ZUP1: variants seen among roughly 807,000 people sequenced by gnomAD.
ZUP1 encodes the protein zinc finger containing ubiquitin peptidase 1.
In ZUP1, 55 loss-of-function variants were observed where a neutral mutation model predicts 68.1. That is an observed-to-expected ratio of 0.81 (90% CI 0.65 to 1.01). The LOEUF is 1.01. ZUP1 is among the 50% of genes least tolerant of loss of function. The pLI, the probability that ZUP1 is intolerant of heterozygous loss-of-function variation, is 0.00. For missense variants in ZUP1, 684 were observed against 674.9 expected, an observed-to-expected ratio of 1.01 and a Z score of -0.15; for synonymous variants, 223 against 221.5, an observed-to-expected ratio of 1.01 and a Z score of -0.06.
chr6:116,646,614 G>A (rs1225715378), intron 8 of ZUP1, among the ~76,000 whole-genome samples: 2 of 152,126 alleles, frequency 1.3e-5, no homozygotes, highest in Non-Finnish European at 2.9e-5. Context: ...TCACTCCGCC[G>A]CCCAGGCTGG....
intron 2 of ZUP1, among the ~76,000 whole-genome samples, chr6:116,663,129 T>C (rs536294714): frequency 6.6e-6 from 1 of 152,330 alleles, no homozygotes; most frequent in South Asian, 2.1e-4. Context: ...CAATTTCAAA[T>C]ATCACTCCCA....
chr6:116,665,747 T>G (rs1269756982), intron 2 of ZUP1, among the ~76,000 whole-genome samples: 1 of 141,688 alleles, frequency 7.1e-6, no homozygotes, highest in Non-Finnish European at 1.5e-5. Context: ...GCCTGGCTAG[T>G]TTTTTGGTTT....
chr6:116,648,136 G>A (rs938098526), intron 7 of ZUP1, among the ~76,000 whole-genome samples: 1 of 152,104 alleles, frequency 6.6e-6, no homozygotes, highest in Non-Finnish European at 1.5e-5. Context: ...GTAAATCATA[G>A]AAAAATGTGT....
intron 9 of ZUP1, among the ~76,000 whole-genome samples, chr6:116,643,391 G>C (rs1487442201): frequency 6.6e-6 from 1 of 152,114 alleles, no homozygotes; most frequent in Non-Finnish European, 1.5e-5. Flanking sequence ...TCAATCCTAA[G>C]CCAAAAGAAC....
intron 3 of ZUP1, among the ~76,000 whole-genome samples, chr6:116,659,618 A>AG (rs1405229066): frequency 3.4e-5 from 5 of 146,978 alleles, no homozygotes; most frequent in Non-Finnish European, 5.9e-5. Flanking sequence ...ATACTAGGGG[A>AG]GAAAAAAAAA....
intron 9 of ZUP1, among the ~76,000 whole-genome samples, chr6:116,643,175 A>G (rs1232916532): frequency 2.6e-5 from 4 of 152,330 alleles, no homozygotes; most frequent in East Asian, 1.9e-4. Flanking sequence ...CCACCGCTCA[A>G]TGAAATAAAA....
Position 116,655,751 on chromosome 6 carries a change from T to G in ZUP1, c.961+933A>C, listed in dbSNP as rs139461896. Among the ~76,000 whole-genome samples the G allele has an allele frequency of 3.3e-3, 500 of 152,326 alleles. 13 individuals carry two copies. The highest frequency in any genetic ancestry group is 0.024 in the Admixed American group (371 of 15,294). ...TCACTGTAACTTCTCTAAGCAACAG[T>G]GACCTCATTTGGAATATATAACAGT... On this transcript the variant is annotated intron_variant, in intron 5 of 9. Coordinates refer to ENST00000368576, the MANE Select transcript of ZUP1 (RefSeq NM_145062.3).
At chr6:116,652,231 C>A in intron 5 of ZUP1, 39 bp from the exon 6 acceptor site, 1 of 1,494,778 alleles carries the variant, frequency 6.7e-7, no homozygotes, top group Non-Finnish European at 9.2e-7. Context: ...TCATTATCAC[C>A]TTTATATTGC....
chr6:116,645,990 T>C, intron 8 of ZUP1, 56 bp from the exon 9 acceptor site: 2 of 1,243,726 alleles, frequency 1.6e-6, no homozygotes, highest in East Asian at 2.3e-5. Context: ...GTTATACAAA[T>C]AGTCTCTGTA....
At chr6:116,660,916 T>C in intron 2 of ZUP1, 70 bp from the exon 3 acceptor site, 1 of 893,990 alleles carries the variant, frequency 1.1e-6, no homozygotes, top group East Asian at 2.9e-5. Flanking sequence ...TTTTTTTTTT[T>C]TGAGACAGGG....
At chr6:116,636,807 AC>A (rs1365166340) in intron 9 of ZUP1, among the ~76,000 whole-genome samples, 1 of 152,166 alleles carries the variant, frequency 6.6e-6, no homozygotes, top group Non-Finnish European at 1.5e-5. Flanking sequence ...TTTTAATCCT[AC>A]AATTTAAAAA....
In ZUP1 at chr6:116,666,962, T is replaced by C; in HGVS notation, c.231A>G (p.Lys77=). ...CCATTCCACACTGTAGGGTGTTGTCTTTCTTGTTATCTGAAGTTCCATATT... is the reference window on the plus strand; with the variant it reads ...CCATTCCACACTGTAGGGTGTTGTCCTTCTTGTTATCTGAAGTTCCATATT... ...TVQYGTSDNK[K]DNTLQCGMEV... Residue 77 remains lysine (K), a synonymous_variant, in exon 2 of 10, where the codon AAA becomes AAG. Coordinates refer to ENST00000368576, the MANE Select transcript of ZUP1 (RefSeq NM_145062.3). 1.2e-5 allele frequency: 20 copies of C among 1,612,682 alleles called. No individual in the cohort carries two copies. The highest frequency in any genetic ancestry group is 1.7e-5 in the Non-Finnish European group (20 of 1,179,840).
chr6:116,638,149 C>T (rs974577758), intron 9 of ZUP1, among the ~76,000 whole-genome samples: 1 of 150,750 alleles, frequency 6.6e-6, no homozygotes, highest in African/African-American at 2.4e-5. Flanking sequence ...ATTTCAAAAA[C>T]TTACAGTCCT....
chr6:116,650,066 A>C (rs1040137165), intron 7 of ZUP1, among the ~76,000 whole-genome samples: 1 of 152,202 alleles, frequency 6.6e-6, no homozygotes, highest in African/African-American at 2.4e-5. Context: ...GATAAAGTTG[A>C]GTAAATCTAG....
At chr6:116,653,939 C>T (rs1776588884) in intron 5 of ZUP1, among the ~76,000 whole-genome samples, 1 of 151,788 alleles carries the variant, frequency 6.6e-6, no homozygotes, top group Admixed American at 6.6e-5. Context: ...AGATATTTTC[C>T]ACAGTAAATT....
intron 9 of ZUP1, among the ~76,000 whole-genome samples, chr6:116,645,129 TTAAA>T (rs1776250262): frequency 7.1e-6 from 1 of 141,710 alleles, no homozygotes; most frequent in Non-Finnish European, 1.6e-5. Flanking sequence ...TGCAAAAAAA[TTAAA>T]TTAAATTAAA....
At chr6:116,641,725 C>T (rs7761458) in intron 9 of ZUP1, among the ~76,000 whole-genome samples, 21,920 of 151,964 alleles carry the variant, frequency 0.14, 2,986 homozygotes, top group African/African-American at 0.35. Flanking sequence ...TAAATGCCCA[C>T]AAGAGAAAGC....
chr6:116,651,469 C>T, intron 7 of ZUP1, 103 bp downstream of exon 7: 1 of 1,022,748 alleles, frequency 9.8e-7, no homozygotes, highest in East Asian at 2.7e-5. Context: ...TTTAGTGCTA[C>T]TTAATTTTAT....
intron 9 of ZUP1, among the ~76,000 whole-genome samples, chr6:116,644,783 T>C (rs1431692914): frequency 1.3e-5 from 2 of 151,788 alleles, no homozygotes; most frequent in East Asian, 1.9e-4. Flanking sequence ...GGCACATGTA[T>C]ACATATGTAA....
Sources: gnomAD v4.1 joint callset for allele counts (sites outside exome capture counted in the v4.1 genomes callset) on GRCh38, gnomAD v4.1.1 for gene constraint, MANE v1.5 for transcripts, NCBI Gene and HGNC (gene_info 2026-07-23, HGNC 2026-07-21) for gene names.